PHLDB1: variants seen among roughly 807,000 people sequenced by gnomAD.
PHLDB1 encodes pleckstrin homology-like domain family B member 1.
A neutral mutation model predicts 139.3 loss-of-function variants in PHLDB1; 65 were observed. That is an observed-to-expected ratio of 0.47 (90% CI 0.38 to 0.57). The LOEUF is 0.57. PHLDB1 is among the 20% of genes least tolerant of loss of function. The pLI is 0.00. For synonymous variants in PHLDB1, 679 were observed against 734.5 expected (o/e 0.92, Z 1.22); for missense variants, 1,624 against 1,839.7 (o/e 0.88, Z 2.14).
At position 118,608,351 on chromosome 11, in the gene PHLDB1, C is replaced by G. The variant is rs370826973; in HGVS notation, c.-22+652C>G. Among the ~76,000 whole-genome samples, 3 of 152,294 alleles carry G rather than the reference C, an allele frequency of 2.0e-5. No individual in the cohort carries two copies. In the East Asian group the frequency reaches 5.8e-4, roughly 29 times the overall value. ...CCTGGGGCGCCTTGCCACGCCCGCGCGGTCCCTATTGGAATCCCTAGCGGA... is the reference window on the plus strand; with the variant it reads ...CCTGGGGCGCCTTGCCACGCCCGCGGGGTCCCTATTGGAATCCCTAGCGGA... On this transcript the variant is annotated intron_variant, in intron 1 of 22. Coordinates refer to ENST00000600882, the MANE Select transcript of PHLDB1 (RefSeq NM_001144758.3). The surrounding 1 kb of genome is among the most constrained non-coding windows in gnomAD (Gnocchi z 6.7).
At chr11:118,643,741 A>G (rs1946975640) in intron 13 of PHLDB1, 59 bp from the exon 14 acceptor site, 7 of 1,613,158 alleles carry the variant, frequency 4.3e-6, no homozygotes, top group East Asian at 2.2e-5. Flanking sequence ...ACTAGGTGAC[A>G]TGGGGGAGGT....
chr11:118,607,686 C>CT lies in PHLDB1; in HGVS notation c.-35_-34insT, dbSNP rs1276602550. On this transcript the variant is annotated 5_prime_UTR_variant, in exon 1 of 23. Transcript: ENST00000600882. ...TAAGGGACCAGTGTCTCCCTGCCCC[C>CT]CCCCCACCTCTAGGTAAGAGCGCCC... The CT allele has an allele frequency of 6.6e-6, 1 of 151,156 alleles. No individual in the cohort carries two copies. The highest frequency in any genetic ancestry group is 1.5e-5 in the Non-Finnish European group (1 of 67,998). 9.4% of individuals were successfully genotyped at this position (151,156 alleles called of 1,614,324 possible). A position where few individuals can be genotyped will look rare whatever the true frequency, so the allele number is the denominator to read the frequency against.
chr11:118,644,133 A>C lies in PHLDB1; in HGVS notation c.3080A>C (p.Gln1027Pro), dbSNP rs1947054733. Residue 1027 changes from glutamine to proline, a missense_variant, in exon 15 of 23, where the codon CAG (glutamine) becomes CCG (proline). Transcript: ENST00000600882. ...CCTCGCAACCTGGCAGCCACACTGC[A>C]GGACATCGAGACCAAGCGCCAACTA... ...SLPRNLAATLQDIETKRQLAL... is the reference protein window; with the variant it reads ...SLPRNLAATLPDIETKRQLAL... 1 of 1,613,604 alleles carries C rather than the reference A, an allele frequency of 6.2e-7. No individual in the cohort carries two copies. The highest frequency in any genetic ancestry group is 1.3e-5 in the African/African-American group (1 of 74,930).
chr11:118,648,269 TTGTGTGTGTGTGTGTGTGTGTGTG>T (rs71041842), intron 18 of PHLDB1, among the ~76,000 whole-genome samples, 193 bp downstream of exon 18: 11 of 125,492 alleles, frequency 8.8e-5, no homozygotes, highest in South Asian at 2.8e-4. Flanking sequence ...ACTATTCAAG[TTGTGTGTGTGTGTGTGTGTGTGTG>T]TGTGTGTGTG....
rs913345195 is a variant in PHLDB1 at position 118,645,529 on chromosome 11, C to T, written c.3295C>T (p.Arg1099Trp). Residue 1099 changes from arginine to tryptophan, a missense_variant, in exon 16 of 23, where the codon CGG (arginine) becomes TGG (tryptophan). Transcript: ENST00000600882. This position sits in a 1 kb window ranked among gnomAD's most constrained non-coding sequence, Gnocchi z 5.1. ...TATCCTACACCACCTGCCTGCGGGG[C>T]GGGAGCGTGGGGAGGAGGGTGAGCA... ...HSILHHLPAG[R>W]ERGEEGEHAY... The T allele has an allele frequency of 7.4e-6, 12 of 1,612,778 alleles. No homozygotes were observed. Among genetic ancestry groups the T allele is most frequent in the South Asian group, 6.6e-5 (6 of 90,824 alleles).
At chr11:118,627,173 C>A in intron 5 of PHLDB1, 132 bp from the exon 6 acceptor site, 1 of 862,058 alleles carries the variant, frequency 1.2e-6, no homozygotes, top group Non-Finnish European at 1.8e-6. Context: ...CTAGCTGGTA[C>A]CAGAACCACA....
At chr11:118,623,874 T>TTGTGTGTGTG (rs3222268) in intron 4 of PHLDB1, among the ~76,000 whole-genome samples, 110 of 141,282 alleles carry the variant, frequency 7.8e-4, no homozygotes, top group African/African-American at 2.8e-3. Context: ...CTCTGAACAT[T>TTGTGTGTGTG]TGTGTGTGTG....
chr11:118,643,024 T>C (rs12275558), intron 13 of PHLDB1, among the ~76,000 whole-genome samples: 1,724 of 152,316 alleles, frequency 0.011, 43 homozygotes, highest in African/African-American at 0.04. Context: ...GTGCCTAAGA[T>C]TGACCATTTA....
chr11:118,616,343 G>A (rs1418664124), intron 4 of PHLDB1, 132 bp downstream of exon 4: 1 of 745,946 alleles, frequency 1.3e-6, no homozygotes, highest in African/African-American at 1.8e-5. Flanking sequence ...GAGTACTCAG[G>A]TGCATCTGGA....
Position 118,631,402 on chromosome 11 carries a change from C to G in PHLDB1, c.2023C>G (p.Leu675Val). Residue 675 changes from leucine to valine, a missense_variant, in exon 7 of 23, where the codon CTA (leucine) becomes GTA (valine). Coordinates refer to ENST00000600882, the MANE Select transcript of PHLDB1 (RefSeq NM_001144758.3). ...GGAGCCTGGCGTTGCCACCCAACGCCTATGGGAGAGTATGGAGCGCTCAGA... is the reference window on the plus strand; with the variant it reads ...GGAGCCTGGCGTTGCCACCCAACGCGTATGGGAGAGTATGGAGCGCTCAGA... The part of the protein sequence containing the change: ...SEEPGVATQR[L>V]WESMERSDEE... The G allele has an allele frequency of 6.7e-7, 1 of 1,496,198 alleles. No homozygotes were observed. Among genetic ancestry groups the G allele is most frequent in the Non-Finnish European group, 8.9e-7 (1 of 1,123,306 alleles). The allele number at this position is 1,496,198 out of a possible 1,614,324, so 92.7% of individuals were successfully genotyped here. A position where few individuals can be genotyped will look rare whatever the true frequency, so the allele number is the denominator to read the frequency against.
chr11:118,635,522 C>T lies in PHLDB1; in HGVS notation c.2509C>T (p.Leu837=), dbSNP rs1345150897. ...GGGGCTGCTCCGGAGCAAGGCTGAG[C>T]TGCTCCGCAGCATCGCCAAGAGGAA... The part of the protein sequence containing the change: ...GQGLLRSKAE[L]LRSIAKRKER... Residue 837 remains leucine, a synonymous_variant, in exon 10 of 23, where the codon CTG becomes TTG. Transcript: ENST00000600882. The T allele has an allele frequency of 5.7e-6, 9 of 1,590,452 alleles. 1 individual carries two copies. Among genetic ancestry groups the T allele is most frequent in the Non-Finnish European group, 6.8e-6 (8 of 1,169,536 alleles).
In PHLDB1 at chr11:118,642,515, A is replaced by G. The variant is rs1482763050; in HGVS notation, c.2877+121A>G. 8.5e-6 allele frequency: 10 copies of G among 1,182,240 alleles called. No homozygotes were observed. In the African/African-American group the frequency reaches 1.2e-4, roughly 14 times the overall value. 73.2% of individuals were successfully genotyped at this position (1,182,240 alleles called of 1,614,324 possible). On this transcript the variant is annotated intron_variant, in intron 13 of 22. Coordinates refer to ENST00000600882, the MANE Select transcript of PHLDB1 (RefSeq NM_001144758.3). ...TGGAGGCGTCAGCCCAGTCAGGGCA[A>G]TGAGGGCACCTCTGGGCCCTGAGAG...
In PHLDB1 at chr11:118,644,110, T is replaced by C; in HGVS notation, c.3057T>C (p.Pro1019=). Residue 1019 remains proline (P), a synonymous_variant, in exon 15 of 23, where the codon CCT becomes CCC. Coordinates refer to ENST00000600882, the MANE Select transcript of PHLDB1 (RefSeq NM_001144758.3). The part of the protein sequence containing the change: ...LLTQNGTGSL[P]RNLAATLQDI... ...CCCAGAATGGCACGGGCAGCCTTCC[T>C]CGCAACCTGGCAGCCACACTGCAGG... 1.9e-6 allele frequency: 3 copies of C among 1,613,978 alleles called. No homozygotes were observed. The highest frequency in any genetic ancestry group is 2.5e-6 in the Non-Finnish European group (3 of 1,179,976).
At position 118,631,197 on chromosome 11, in the gene PHLDB1, T is replaced by C. The variant is rs371292837; in HGVS notation, c.1828-10T>C. ...TCCCCTTCATGTCCTGCTCTGTCCA[T>C]CCTCCCCAGGAACGCCAGCGCCTGG... On this transcript the variant is annotated splice_polypyrimidine_tract_variant and intron_variant, in intron 6 of 22. Transcript: ENST00000600882. 2.8e-6 allele frequency: 4 copies of C among 1,421,050 alleles called. No individual in the cohort carries two copies. The African/African-American group carries it at 5.9e-5, about 21-fold the overall frequency. The allele number at this position is 1,421,050 out of a possible 1,614,324, so 88.0% of individuals were successfully genotyped here. A position where few individuals can be genotyped will look rare whatever the true frequency, so the allele number is the denominator to read the frequency against.
intron 4 of PHLDB1, among the ~76,000 whole-genome samples, chr11:118,616,684 A>G (rs1197856578): frequency 1.3e-5 from 2 of 152,250 alleles, no homozygotes; most frequent in Non-Finnish European, 2.9e-5. Flanking sequence ...GACTGCTGAC[A>G]GTAACTTTTG....
In PHLDB1 at chr11:118,655,677, G is replaced by T. The variant is rs200811077; in HGVS notation, c.3947G>T (p.Arg1316Leu). The change falls in exon 21 of 23, where the codon CGC (arginine) becomes CTC (leucine). Residue 1316 changes from arginine to leucine, a missense_variant. Transcript: ENST00000600882. The part of the protein sequence containing the change: ...AIEEVYYDHL[R>L]SAAKKRFFRF... ...GAGGAAGTGTACTACGACCACCTGC[G>T]CAGTGCAGCCAAGGTCAGGGGTGGA... 1 of 1,611,896 alleles carries T rather than the reference G, an allele frequency of 6.2e-7. No individual in the cohort carries two copies. Among genetic ancestry groups the T allele is most frequent in the Admixed American group, 1.7e-5 (1 of 60,020 alleles).
chr11:118,612,110 CT>C (rs1408207275), intron 1 of PHLDB1, among the ~76,000 whole-genome samples: 1 of 151,438 alleles, frequency 6.6e-6, no homozygotes, highest in African/African-American at 2.4e-5. Context: ...CATTCCACCC[CT>C]AGCCCCAGGC....
chr11:118,613,730 T>C (rs1315634913), intron 1 of PHLDB1, 86 bp from the exon 2 acceptor site: 1 of 777,152 alleles, frequency 1.3e-6, no homozygotes, highest in Non-Finnish European at 2.2e-6. Flanking sequence ...GTGACACCTC[T>C]GCCCTGAGAA....
chr11:118,640,531 C>G (rs1946340004), intron 12 of PHLDB1: 1 of 152,324 alleles, frequency 6.6e-6, no homozygotes, highest in African/African-American at 2.4e-5. Context: ...GCCCATTTTT[C>G]TGCTAGGCTT....
Sources: allele counts gnomAD v4.1 joint callset (sites outside exome capture counted in the v4.1 genomes callset), GRCh38; gene constraint gnomAD v4.1.1; non-coding constraint Gnocchi (gnomAD v3.1); transcripts MANE v1.5; gene names NCBI Gene and HGNC (gene_info 2026-07-23, HGNC 2026-07-21).